Variants in DHX15 observed in about 807,000 individuals in gnomAD.
The protein encoded by DHX15 is DEAH-box helicase 15.
DHX15 carries 11 observed loss-of-function variants against 94.4 expected under a neutral mutation model. The observed-to-expected ratio is 0.12, with a 90% CI of 0.07 to 0.19. The LOEUF (loss-of-function observed/expected upper bound fraction) is 0.19. DHX15 is among the 10% of genes least tolerant of loss of function. The pLI, the probability that DHX15 is intolerant of heterozygous loss-of-function variation, is 1.00. For missense variants in DHX15, 304 were observed against 988.5 expected (o/e 0.31, Z 9.29); for synonymous variants, 338 against 329.9 (o/e 1.02, Z -0.27).
chr4:24,562,490 G>GT (rs1721900241), intron 3 of DHX15, among the ~76,000 whole-genome samples: 1 of 152,118 alleles, frequency 6.6e-6, no homozygotes, highest in South Asian at 2.1e-4. Context: ...AATTTCTTCC[G>GT]TAATGGTCCC....
chr4:24,559,387 A>AAAAAAAAAAG (rs1560770449), intron 3 of DHX15, among the ~76,000 whole-genome samples: 4 of 148,782 alleles, frequency 2.7e-5, no homozygotes, highest in Non-Finnish European at 3.0e-5. Context: ...AAAAAAAAAA[A>AAAAAAAAAAG]AAAAAAAAAG....
At chr4:24,569,434 T>A (rs1347213337) in intron 3 of DHX15, among the ~76,000 whole-genome samples, 1 of 151,550 alleles carries the variant, frequency 6.6e-6, no homozygotes, top group Non-Finnish European at 1.5e-5. Flanking sequence ...CTACTAAAGA[T>A]ACAAAAAGTT....
At chr4:24,567,309 T>C (rs977651603) in intron 3 of DHX15, among the ~76,000 whole-genome samples, 3 of 152,196 alleles carry the variant, frequency 2.0e-5, no homozygotes, top group African/African-American at 7.2e-5. Flanking sequence ...CTGGGCGTGG[T>C]GGCGGCTGCC....
chr4:24,547,727 G>A (rs370352724), intron 6 of DHX15, among the ~76,000 whole-genome samples: 3 of 151,442 alleles, frequency 2.0e-5, no homozygotes, highest in Non-Finnish European at 2.9e-5. Context: ...CAGGAGGGGG[G>A]ACTGATTGAA....
chr4:24,558,847 C>G (rs1447174369), intron 3 of DHX15, among the ~76,000 whole-genome samples: 1 of 152,084 alleles, frequency 6.6e-6, no homozygotes, highest in Non-Finnish European at 1.5e-5. Flanking sequence ...ACTCTCAAAA[C>G]CAGTTACTAA....
intron 1 of DHX15, among the ~76,000 whole-genome samples, chr4:24,582,595 T>C (rs183912723): frequency 6.6e-6 from 1 of 152,346 alleles, no homozygotes; most frequent in Admixed American, 6.5e-5. Flanking sequence ...TTCCCTACTT[T>C]ACCAACGCAT....
chr4:24,557,042 T>C (rs1274143765), intron 3 of DHX15, among the ~76,000 whole-genome samples: 1 of 152,056 alleles, frequency 6.6e-6, no homozygotes, highest in Non-Finnish European at 1.5e-5. Context: ...TAAAAACAAA[T>C]GACGTCAGAT....
chr4:24,538,416 G>C (rs1291216982), intron 10 of DHX15: 1 of 151,966 alleles, frequency 6.6e-6, no homozygotes, highest in Non-Finnish European at 1.5e-5. Flanking sequence ...ATTCATAAAA[G>C]CACACAAACT....
intron 12 of DHX15, among the ~76,000 whole-genome samples, chr4:24,531,457 A>G (rs1489158021): frequency 6.6e-6 from 1 of 152,102 alleles, no homozygotes; most frequent in African/African-American, 2.4e-5. Context: ...TCACGTCTGT[A>G]ATCTCAGCAC....
At position 24,527,790 on chromosome 4, in the gene DHX15, T is replaced by C; in HGVS notation, c.*134A>G. On this transcript the variant is annotated 3_prime_UTR_variant, in exon 14 of 14. Coordinates refer to ENST00000336812, the MANE Select transcript of DHX15 (RefSeq NM_001358.3). ...ATTTATGAAATCAGAATGGAATATT[T>C]ACTGTAAAGAAAAATTAAAAAGCTT... 9 of 594,736 alleles carry C rather than the reference T, an allele frequency of 1.5e-5. No individual in the cohort carries two copies. The highest frequency in any genetic ancestry group is 2.1e-5 in the Non-Finnish European group (7 of 334,814). The allele number at this position is 594,736 out of a possible 1,614,324, so 36.8% of individuals were successfully genotyped here. A position where few individuals can be genotyped will look rare whatever the true frequency, so the allele number is the denominator to read the frequency against.
chr4:24,550,710 C>T (rs1379446395), intron 5 of DHX15, among the ~76,000 whole-genome samples: 1 of 152,312 alleles, frequency 6.6e-6, no homozygotes, highest in Non-Finnish European at 1.5e-5. Context: ...CCTGAAGGAC[C>T]TGCCTAAGCC....
At chr4:24,577,175 T>C (rs1475471327) in intron 1 of DHX15, among the ~76,000 whole-genome samples, 2 of 152,210 alleles carry the variant, frequency 1.3e-5, no homozygotes, top group Non-Finnish European at 2.9e-5. Context: ...GTGGTGGGTT[T>C]TGCTCAATAC....
chr4:24,575,113 C>T (rs1722226112), intron 2 of DHX15, among the ~76,000 whole-genome samples: 1 of 150,674 alleles, frequency 6.6e-6, no homozygotes, highest in Non-Finnish European at 1.5e-5. Flanking sequence ...TACCACTGCA[C>T]TCCAGCATGG....
At chr4:24,550,123 A>AAAC (rs1721560725) in intron 5 of DHX15, among the ~76,000 whole-genome samples, 1 of 131,746 alleles carries the variant, frequency 7.6e-6, no homozygotes, top group South Asian at 2.6e-4. Flanking sequence ...AAAAAAAAAA[A>AAAC]CGGTAAAAAT....
intron 3 of DHX15, among the ~76,000 whole-genome samples, chr4:24,559,919 A>C (rs970482108): frequency 6.6e-6 from 1 of 152,224 alleles, no homozygotes; most frequent in Non-Finnish European, 1.5e-5. Context: ...ATTAAACAAG[A>C]AGCAGATTAC....
chr4:24,555,069 C>A, intron 4 of DHX15, 126 bp from the exon 5 acceptor site: 2 of 584,782 alleles, frequency 3.4e-6, no homozygotes, highest in South Asian at 3.0e-5. Context: ...TTCAAATAAA[C>A]TGTAAATGAA....
intron 3 of DHX15, among the ~76,000 whole-genome samples, chr4:24,569,138 T>C (rs1577348337): frequency 1.3e-5 from 2 of 152,216 alleles, no homozygotes; most frequent in Admixed American, 6.5e-5. Flanking sequence ...TAAGAAACTA[T>C]CTCAGAGATA....
chr4:24,583,675 C>CT (rs1008766263), intron 1 of DHX15, among the ~76,000 whole-genome samples: 9 of 152,190 alleles, frequency 5.9e-5, no homozygotes, highest in African/African-American at 2.2e-4. Context: ...AAACACCAGC[C>CT]TTCCAGCCCA....
chr4:24,539,786 A>G (rs1408774009), intron 10 of DHX15: 1 of 174,354 alleles, frequency 5.7e-6, no homozygotes, highest in African/African-American at 2.4e-5. Flanking sequence ...AAAAAACAAA[A>G]AACAAAAAAA....
Sources: gnomAD v4.1 joint callset for allele counts (sites outside exome capture counted in the v4.1 genomes callset) on GRCh38, gnomAD v4.1.1 for gene constraint, MANE v1.5 for transcripts, NCBI Gene and HGNC (gene_info 2026-07-23, HGNC 2026-07-21) for gene names.